The following PAX2 variants were observed in gnomAD, a reference collection of about 807,000 sequenced individuals.
The protein encoded by PAX2 is paired box 2, also known as paired box protein Pax-2.
PAX2 carries 9 observed loss-of-function variants against 41.7 expected under a neutral mutation model. That is an observed-to-expected ratio of 0.22 (90% confidence interval 0.13 to 0.38). PAX2 has a LOEUF of 0.38. Among genes scored for constraint, PAX2 ranks in the 10% least tolerant of loss-of-function variants. The pLI, the probability that PAX2 is intolerant of heterozygous loss-of-function variation, is 1.00. For missense variants in PAX2, 418 were observed against 531.6 expected (o/e 0.79, Z 2.10); for synonymous variants, 221 against 212.7 (o/e 1.04, Z -0.34).
intron 3 of PAX2, among the ~76,000 whole-genome samples, chr10:100,760,325 A>T (rs925133257): frequency 6.6e-6 from 1 of 152,100 alleles, no homozygotes. Flanking sequence ...CCCTGTTATC[A>T]CTTTGATGGC....
At chr10:100,814,665 G>A (rs980601084) in intron 7 of PAX2, among the ~76,000 whole-genome samples, 2 of 152,218 alleles carry the variant, frequency 1.3e-5, no homozygotes, top group African/African-American at 4.8e-5. Context: ...GCTAGAGATG[G>A]GCACAGTACC....
chr10:100,828,468 C>A lies in PAX2; in HGVS notation c.*849C>A, dbSNP rs76281219. On this transcript the variant is annotated 3_prime_UTR_variant, in exon 10 of 10. Transcript: ENST00000355243. This position sits in a 1 kb window ranked among gnomAD's most constrained non-coding sequence, Gnocchi z 6.5. ...CCTCAGCGTCTCTTCCACCTGCTGG[C>A]CTCCCAGTTTCCCCTCCTGCCAGTC... 917 of 234,246 alleles carry A rather than the reference C, an allele frequency of 3.9e-3. 10 individuals carry two copies. The highest frequency in any genetic ancestry group is 0.019 in the African/African-American group (862 of 45,476). 14.5% of individuals were successfully genotyped at this position (234,246 alleles called of 1,614,324 possible).
chr10:100,799,498 T>C (rs1847463556), intron 5 of PAX2, among the ~76,000 whole-genome samples: 1 of 152,176 alleles, frequency 6.6e-6, no homozygotes, highest in Non-Finnish European at 1.5e-5. Flanking sequence ...GCTCAGTAAA[T>C]GATGATGGGT....
intron 1 of PAX2, chr10:100,747,684 A>T: frequency 1.0e-6 from 1 of 985,022 alleles, no homozygotes; most frequent in Non-Finnish European, 1.2e-6. Context: ...GCGTTTAAAA[A>T]TACTTCTGGG....
intron 3 of PAX2, among the ~76,000 whole-genome samples, chr10:100,764,197 G>T (rs1845939603): frequency 7.0e-6 from 1 of 142,202 alleles, no homozygotes; most frequent in Non-Finnish European, 1.5e-5. Flanking sequence ...AGGCTGGAGT[G>T]CAGTGGCACC....
At chr10:100,800,233 A>G (rs1847506676) in intron 5 of PAX2, among the ~76,000 whole-genome samples, 1 of 146,142 alleles carries the variant, frequency 6.8e-6, no homozygotes, top group African/African-American at 2.6e-5. Context: ...AAATGACATC[A>G]TTTCATTTTC....
At chr10:100,762,525 C>A (rs1460546200) in intron 3 of PAX2, among the ~76,000 whole-genome samples, 3 of 152,074 alleles carry the variant, frequency 2.0e-5, no homozygotes, top group Non-Finnish European at 4.4e-5. Context: ...CTGAATGGAA[C>A]AATCTAAATT....
At position 100,829,089 on chromosome 10, in the gene PAX2, T is replaced by A. The variant is rs995797266; in HGVS notation, c.*1470T>A. ...TCCTGGGGGAGGGGGGCATTTTTTA[T>A]GTTACAAAAAAAAATTACGAAAGAA... On this transcript the variant is annotated 3_prime_UTR_variant, in exon 10 of 10. Transcript: ENST00000355243. 8.7e-6 allele frequency: 2 copies of A among 229,788 alleles called. No individual in the cohort carries two copies. The highest frequency in any genetic ancestry group is 1.7e-5 in the Non-Finnish European group (2 of 115,942). The allele number at this position is 229,788 out of a possible 1,614,324, so 14.2% of individuals were successfully genotyped here.
intron 1 of PAX2, among the ~76,000 whole-genome samples, chr10:100,739,349 GC>G (rs751730921): frequency 1.3e-5 from 2 of 152,224 alleles, no homozygotes; most frequent in Non-Finnish European, 2.9e-5. Context: ...AGTCTCTCTG[GC>G]GGGTCCCCCT....
chr10:100,756,669 C>A (rs868515878), intron 3 of PAX2, among the ~76,000 whole-genome samples: 1 of 152,194 alleles, frequency 6.6e-6, no homozygotes, highest in Admixed American at 6.5e-5. Context: ...ACTTATCGAG[C>A]CATTACCCTG....
intron 5 of PAX2, among the ~76,000 whole-genome samples, chr10:100,790,284 T>C (rs984778681): frequency 6.6e-6 from 1 of 152,166 alleles, no homozygotes; most frequent in African/African-American, 2.4e-5. Context: ...CCGCTGGAAA[T>C]TGGGGTGGGC....
At chr10:100,769,753 A>G (rs1358166187) in intron 3 of PAX2, among the ~76,000 whole-genome samples, 1 of 152,088 alleles carries the variant, frequency 6.6e-6, no homozygotes, top group African/African-American at 2.4e-5. Flanking sequence ...ACAAATAGCT[A>G]TCAAGTACTT....
intron 7 of PAX2, among the ~76,000 whole-genome samples, chr10:100,820,812 T>C (rs547111330): frequency 6.6e-6 from 1 of 152,360 alleles, no homozygotes; most frequent in Non-Finnish European, 1.5e-5. Context: ...TTTTGTCCAT[T>C]TGTAATTTCT....
intron 5 of PAX2, among the ~76,000 whole-genome samples, chr10:100,802,888 T>C (rs1221094179): frequency 3.9e-5 from 6 of 152,154 alleles, no homozygotes; most frequent in African/African-American, 1.4e-4. Context: ...CTTCCACCTC[T>C]GTTTCAGCCC....
At chr10:100,762,611 T>A (rs1025503464) in intron 3 of PAX2, among the ~76,000 whole-genome samples, 5 of 152,170 alleles carry the variant, frequency 3.3e-5, no homozygotes, top group South Asian at 4.2e-4. Flanking sequence ...GGTATATCAG[T>A]TAGAGACACT....
intron 7 of PAX2, among the ~76,000 whole-genome samples, chr10:100,822,633 T>C (rs1395963702): frequency 2.0e-5 from 3 of 152,182 alleles, no homozygotes; most frequent in Non-Finnish European, 4.4e-5. Context: ...TGGTAAACCA[T>C]GCAGCACAGA....
At chr10:100,768,359 C>T (rs1589833050) in intron 3 of PAX2, among the ~76,000 whole-genome samples, 1 of 152,166 alleles carries the variant, frequency 6.6e-6, no homozygotes, top group South Asian at 2.1e-4. Flanking sequence ...CAATCATGTA[C>T]ATGATTTGGA....
At position 100,826,288 on chromosome 10, in the gene PAX2, T is replaced by C. The variant is rs922426690; in HGVS notation, c.1022-721T>C. Among the ~76,000 whole-genome samples the C allele has an allele frequency of 2.7e-5, 4 of 148,576 alleles. No individual in the cohort carries two copies. The highest frequency in any genetic ancestry group is 5.0e-5 in the African/African-American group (2 of 40,112). On this transcript the variant is annotated intron_variant, in intron 8 of 9. Coordinates refer to ENST00000355243, the MANE Select transcript of PAX2 (RefSeq NM_000278.5). The surrounding 1 kb of genome is among the most constrained non-coding windows in gnomAD (Gnocchi z 5.5). ...CGGTTAGGGATCACTGTAAACAGTC[T>C]GGGGTCATCACACAGGAGAAAGGGC...
At chr10:100,738,539 C>T (rs1466869840) in intron 1 of PAX2, among the ~76,000 whole-genome samples, 1 of 152,182 alleles carries the variant, frequency 6.6e-6, no homozygotes, top group Non-Finnish European at 1.5e-5. Context: ...CTCATCCAGA[C>T]GCTCAGCCCC....
Sources: allele counts gnomAD v4.1 joint callset (sites outside exome capture counted in the v4.1 genomes callset), GRCh38; gene constraint gnomAD v4.1.1; non-coding constraint Gnocchi (gnomAD v3.1); transcripts MANE v1.5; gene names NCBI Gene and HGNC (gene_info 2026-07-23, HGNC 2026-07-21).